GALNT17: variants seen among roughly 807,000 people sequenced by gnomAD.
GALNT17 encodes the protein UDP-GalNAc:polypeptide N-acetylgalactosaminyltransferase-like 3.
GALNT17 carries 29 observed loss-of-function variants against 63.7 expected under a neutral mutation model. The ratio of observed to expected loss-of-function variants is 0.46; its 90% CI spans 0.34 to 0.62. The LOEUF (loss-of-function observed/expected upper bound fraction) is 0.62. Ranked by LOEUF, GALNT17 falls within the 20% of genes least tolerant of loss-of-function variation. The pLI is 0.01. For synonymous variants in GALNT17, 305 were observed against 318.3 expected, an observed-to-expected ratio of 0.96 and a Z score of 0.45; for missense variants, 603 against 799.6, an observed-to-expected ratio of 0.75 and a Z score of 2.97.
At chr7:71,582,791 C>T (rs558809460) in intron 6 of GALNT17, among the ~76,000 whole-genome samples, 7 of 151,870 alleles carry the variant, frequency 4.6e-5, no homozygotes, top group Non-Finnish European at 1.0e-4. Context: ...ATAAGAGTAA[C>T]ACAATGGACT....
intron 5 of GALNT17, among the ~76,000 whole-genome samples, chr7:71,491,052 G>A (rs1214585468): frequency 2.0e-5 from 3 of 151,976 alleles, no homozygotes; most frequent in Non-Finnish European, 4.4e-5. Context: ...AAATTAGCCG[G>A]GTAGGGTGGC....
chr7:71,443,072 A>G (rs1481017076), intron 5 of GALNT17, among the ~76,000 whole-genome samples: 2 of 152,146 alleles, frequency 1.3e-5, no homozygotes, highest in African/African-American at 2.4e-5. Context: ...AGCCCTTCCC[A>G]TGCTATAAGC....
At chr7:71,412,482 C>T (rs1455787596) in intron 3 of GALNT17, among the ~76,000 whole-genome samples, 1 of 152,150 alleles carries the variant, frequency 6.6e-6, no homozygotes, top group African/African-American at 2.4e-5. Flanking sequence ...TGCGATTCTC[C>T]TGCCTCAGCC....
At chr7:71,644,657 A>G (rs1181812414) in intron 6 of GALNT17, among the ~76,000 whole-genome samples, 1 of 151,914 alleles carries the variant, frequency 6.6e-6, no homozygotes, top group East Asian at 1.9e-4. Flanking sequence ...AGGCTGAGAC[A>G]GGAGGATTGC....
At position 71,420,905 on chromosome 7, in the gene GALNT17, C is replaced by T. The variant is rs772443852; in HGVS notation, c.765-3C>T. On this transcript the variant is annotated splice_polypyrimidine_tract_variant and splice_region_variant and intron_variant, in intron 4 of 10. Coordinates refer to ENST00000333538, the MANE Select transcript of GALNT17 (RefSeq NM_022479.3). ...GTTTCATGTCTATTTCTCTATGTTT[C>T]AGGGCTGAGCCGGTTCTATCCCGCA... The T allele has an allele frequency of 8.7e-6, 14 of 1,613,882 alleles. No homozygotes were observed. The South Asian group carries it at 1.5e-4, about 18-fold the overall frequency.
intron 1 of GALNT17, among the ~76,000 whole-genome samples, chr7:71,190,576 G>A (rs13226060): frequency 0.25 from 38,694 of 151,930 alleles, 5,977 homozygotes; most frequent in South Asian, 0.47. Context: ...CCCAGTCTCG[G>A]GTATTTGTTT....
intron 9 of GALNT17, among the ~76,000 whole-genome samples, chr7:71,677,811 G>C (rs144061207): frequency 6.6e-6 from 1 of 152,112 alleles, no homozygotes; most frequent in Non-Finnish European, 1.5e-5. Flanking sequence ...CACCGTGCCC[G>C]GCCAAGGCTC....
At chr7:71,344,565 T>A (rs368374330) in intron 2 of GALNT17, among the ~76,000 whole-genome samples, 33 of 152,196 alleles carry the variant, frequency 2.2e-4, no homozygotes, top group African/African-American at 7.2e-4. Flanking sequence ...TTCTTTTTTT[T>A]AAATAATGAT....
rs1415448657 is a variant in GALNT17, at chr7:71,545,601, T to C, written c.963-25684T>C. 1.1e-4 allele frequency among the ~76,000 whole-genome samples: 17 copies of C among 152,110 alleles called. No individual in the cohort carries two copies. In the East Asian group the frequency reaches 3.4e-3, roughly 30 times the overall value. ...TCCTGGCTTCTAGCGATCCACCTGC[T>C]TTGGCCTCCCAAAGTGCTGGGATTA... On this transcript the variant is annotated intron_variant, in intron 5 of 10. Coordinates refer to ENST00000333538, the MANE Select transcript of GALNT17 (RefSeq NM_022479.3).
At chr7:71,497,628 A>T (rs1441010058) in intron 5 of GALNT17, among the ~76,000 whole-genome samples, 1 of 152,224 alleles carries the variant, frequency 6.6e-6, no homozygotes, top group Non-Finnish European at 1.5e-5. Context: ...AGGGGACAGG[A>T]TTTAGCCCAT....
chr7:71,545,377 A>G (rs1472013118), intron 5 of GALNT17, among the ~76,000 whole-genome samples: 1 of 151,970 alleles, frequency 6.6e-6, no homozygotes, highest in Non-Finnish European at 1.5e-5. Context: ...GTTTTTGACA[A>G]AGTCTTGCTC....
chr7:71,321,867 T>TTTCCTTCCTTCCTTCCTTCCTTCC (rs1178713360), intron 1 of GALNT17, among the ~76,000 whole-genome samples: 3 of 46,902 alleles, frequency 6.4e-5, no homozygotes, highest in African/African-American at 1.5e-4. Flanking sequence ...CCTTCCTTCC[T>TTTCCTTCCTTCCTTCCTTCCTTCC]TTCCTTCCTT....
chr7:71,363,936 A>G (rs1792453829), intron 2 of GALNT17, among the ~76,000 whole-genome samples: 1 of 152,236 alleles, frequency 6.6e-6, no homozygotes. Context: ...CAGTAAGGTT[A>G]CAGTCCACTA....
chr7:71,265,464 A>C (rs576984850), intron 1 of GALNT17, among the ~76,000 whole-genome samples: 2 of 152,212 alleles, frequency 1.3e-5, no homozygotes, highest in South Asian at 2.1e-4. Flanking sequence ...TTTTAATGTG[A>C]GAAATTCTTA....
intron 1 of GALNT17, among the ~76,000 whole-genome samples, chr7:71,221,801 C>T (rs973647912): frequency 6.6e-6 from 1 of 151,854 alleles, no homozygotes; most frequent in East Asian, 1.9e-4. Flanking sequence ...AAAGATAATA[C>T]AGAGAGTTCC....
At chr7:71,500,778 C>T (rs748079420) in intron 5 of GALNT17, among the ~76,000 whole-genome samples, 2 of 152,140 alleles carry the variant, frequency 1.3e-5, no homozygotes, top group Non-Finnish European at 2.9e-5. Context: ...ATCACCAACC[C>T]CAAGTGGCCG....
At position 71,540,092 on chromosome 7, in the gene GALNT17, C is replaced by CATTTT. The variant is rs1202520298; in HGVS notation, c.963-31193_963-31192insATTTT. On this transcript the variant is annotated intron_variant, in intron 5 of 10. Transcript: ENST00000333538. ...TACAGTTGTGAGCCACTGTGCCTGGCCTTTTTTTTTTTTTTTTTTTTTTTT... is the reference window on the plus strand; with the variant it reads ...TACAGTTGTGAGCCACTGTGCCTGGCATTTTCTTTTTTTTTTTTTTTTTTTTTTTT... Among the ~76,000 whole-genome samples, 48 of 59,910 alleles carry CATTTT rather than the reference C, an allele frequency of 8.0e-4. 2 individuals are homozygous for CATTTT. Among genetic ancestry groups the CATTTT allele is most frequent in the Non-Finnish European group, 1.2e-3 (31 of 26,934 alleles). 39.3% of individuals were successfully genotyped at this position (59,910 alleles called of 152,430 possible). A position where few individuals can be genotyped will look rare whatever the true frequency, so the allele number is the denominator to read the frequency against.
intron 1 of GALNT17, among the ~76,000 whole-genome samples, chr7:71,142,177 G>A (rs1392755261): frequency 1.3e-5 from 2 of 152,122 alleles, no homozygotes; most frequent in South Asian, 2.1e-4. Flanking sequence ...GCCCTCAGGA[G>A]ATATTTCTTG....
chr7:71,265,083 C>A (rs1308013318), intron 1 of GALNT17, among the ~76,000 whole-genome samples: 1 of 122,708 alleles, frequency 8.1e-6, no homozygotes, highest in East Asian at 2.3e-4. Context: ...AAATACCACA[C>A]GTAACCCATA....
Sources: gnomAD v4.1 joint callset for allele counts (sites outside exome capture counted in the v4.1 genomes callset) on GRCh38, gnomAD v4.1.1 for gene constraint, MANE v1.5 for transcripts, NCBI Gene and HGNC (gene_info 2026-07-23, HGNC 2026-07-21) for gene names.